CAMK4: variants seen among roughly 807,000 people sequenced by gnomAD.
CAMK4 encodes calcium/calmodulin dependent protein kinase IV, also known as calcium/calmodulin-dependent protein kinase type IV.
Under a neutral mutation model 44.9 loss-of-function variants are expected in CAMK4, and 22 were observed. That is an observed-to-expected ratio of 0.49 (90% CI 0.35 to 0.70). The LOEUF (loss-of-function observed/expected upper bound fraction) is 0.70, where lower values mean the gene tolerates loss of function less well. Among genes scored for constraint, CAMK4 ranks in the 30% least tolerant of loss-of-function variants. The pLI is 0.01. For synonymous variants in CAMK4, 218 were observed against 215.4 expected (o/e 1.01, Z -0.11); for missense variants, 498 against 586.8 (o/e 0.85, Z 1.56).
In CAMK4 at chr5:111,489,311, C is replaced by T. The variant is rs1465623396; in HGVS notation, c.*4845C>T. 6.6e-6 allele frequency: 1 copy of T among 152,140 alleles called. No homozygotes were observed. Among genetic ancestry groups the T allele is most frequent in the Non-Finnish European group, 1.5e-5 (1 of 68,020 alleles). 9.4% of individuals were successfully genotyped at this position (152,140 alleles called of 1,614,324 possible). A position where few individuals can be genotyped will look rare whatever the true frequency, so the allele number is the denominator to read the frequency against. On this transcript the variant is annotated 3_prime_UTR_variant, in exon 11 of 11. Coordinates refer to ENST00000282356, the MANE Select transcript of CAMK4 (RefSeq NM_001744.6). The stretch of plus-strand genomic sequence containing the variant: ...GCAAACCACCCACAGTAACCAAGTT[C>T]AGTATTTCCTCTTTCTATATTTTGA...
intron 4 of CAMK4, among the ~76,000 whole-genome samples, chr5:111,389,186 A>G (rs1409720642): frequency 6.6e-5 from 10 of 152,170 alleles, no homozygotes; most frequent in Admixed American, 6.6e-4. Context: ...CTGTGTCTGC[A>G]CATGGTGGAA....
intron 1 of CAMK4, among the ~76,000 whole-genome samples, chr5:111,317,682 A>T (rs1748482508): frequency 6.6e-6 from 1 of 151,946 alleles, no homozygotes; most frequent in South Asian, 2.1e-4. Context: ...AGGCCAAATG[A>T]TTTGTCTGTG....
chr5:111,374,180 C>A (rs1029945531), intron 2 of CAMK4, among the ~76,000 whole-genome samples: 3 of 152,134 alleles, frequency 2.0e-5, no homozygotes, highest in African/African-American at 4.8e-5. Flanking sequence ...TAACAGTCCT[C>A]TTCATAACTC....
chr5:111,295,731 T>C (rs1209357838), intron 1 of CAMK4, among the ~76,000 whole-genome samples: 1 of 152,236 alleles, frequency 6.6e-6, no homozygotes, highest in Non-Finnish European at 1.5e-5. Context: ...TTTCATATGC[T>C]GGGCTCTTCC....
rs538371870 is a variant in CAMK4 at position 111,379,019 on chromosome 5, C to T, written c.386+2077C>T. ...AGCTGACTTTTTTATGGATGTATTC[C>T]TTCTTTAGTTACATTAATAGAGCAG... On this transcript the variant is annotated intron_variant, in intron 4 of 10. Coordinates refer to ENST00000282356, the MANE Select transcript of CAMK4 (RefSeq NM_001744.6). Among the ~76,000 whole-genome samples, 3 of 152,014 alleles carry T rather than the reference C, an allele frequency of 2.0e-5. No individual in the cohort carries two copies. The East Asian group carries it at 5.8e-4, about 29-fold the overall frequency.
chr5:111,271,128 CTT>C (rs957824437), intron 1 of CAMK4, among the ~76,000 whole-genome samples: 1 of 152,156 alleles, frequency 6.6e-6, no homozygotes, highest in African/African-American at 2.4e-5. Context: ...TCCCTTGACA[CTT>C]GGGGATAATG....
intron 7 of CAMK4, among the ~76,000 whole-genome samples, chr5:111,457,677 A>C (rs1279888907): frequency 6.6e-6 from 1 of 152,258 alleles, no homozygotes; most frequent in Non-Finnish European, 1.5e-5. Context: ...ACATGAACAC[A>C]TATGAAAAAT....
intron 5 of CAMK4, among the ~76,000 whole-genome samples, chr5:111,398,578 G>A (rs1158075333): frequency 6.6e-6 from 1 of 152,132 alleles, no homozygotes; most frequent in East Asian, 1.9e-4. Flanking sequence ...ATTTTACTTG[G>A]AATATGATTT....
rs760336856 is a variant in CAMK4, at chr5:111,376,910, A to G, written c.354A>G (p.Leu118=). 1.2e-6 allele frequency: 2 copies of G among 1,607,510 alleles called. No individual in the cohort carries two copies. ...FETPTEISLV[L]ELVTGGELFD... is the part of the protein sequence containing the mutation. ...CCCCTACAGAAATCAGTCTGGTCCT[A>G]GAACTCGTCACAGGAGGAGAACTGT... Residue 118 remains leucine, a synonymous_variant, in exon 4 of 11, where the codon CTA becomes CTG. Transcript: ENST00000282356.
intron 1 of CAMK4, among the ~76,000 whole-genome samples, chr5:111,283,782 A>G (rs1317541481): frequency 6.6e-6 from 1 of 152,234 alleles, no homozygotes; most frequent in African/African-American, 2.4e-5. Flanking sequence ...GATGCTATCA[A>G]TTTAAAACAT....
intron 5 of CAMK4, among the ~76,000 whole-genome samples, chr5:111,432,365 T>C (rs1186287072): frequency 6.6e-6 from 1 of 151,812 alleles, no homozygotes. Context: ...GGAAGTGTAG[T>C]AGGGGGTTCG....
chr5:111,477,992 C>A (rs11740269), intron 8 of CAMK4, among the ~76,000 whole-genome samples: 3 of 151,828 alleles, frequency 2.0e-5, no homozygotes, highest in Non-Finnish European at 4.4e-5. Context: ...TCTCTGTCTG[C>A]CTGTCTGTCT....
intron 7 of CAMK4, among the ~76,000 whole-genome samples, chr5:111,472,807 C>T (rs879884186): frequency 1.3e-5 from 2 of 152,238 alleles, no homozygotes; most frequent in South Asian, 2.1e-4. Flanking sequence ...CTGCTGCAAC[C>T]GTCTAGACTA....
At chr5:111,424,602 G>A (rs143759748) in intron 5 of CAMK4, among the ~76,000 whole-genome samples, 1,615 of 151,390 alleles carry the variant, frequency 0.011, 27 homozygotes, top group African/African-American at 0.036. Context: ...CCACCACCAC[G>A]CCCGGCTAAT....
intron 1 of CAMK4, among the ~76,000 whole-genome samples, chr5:111,235,727 C>A (rs139162645): frequency 8.2e-4 from 125 of 152,344 alleles, no homozygotes; most frequent in African/African-American, 3.0e-3. Flanking sequence ...CAGGACTGAG[C>A]TAAGGGCTGT....
intron 1 of CAMK4, among the ~76,000 whole-genome samples, chr5:111,312,602 T>A (rs1401285285): frequency 6.6e-6 from 1 of 152,186 alleles, no homozygotes; most frequent in African/African-American, 2.4e-5. Context: ...TGGAATATTC[T>A]GAAGTTTCTA....
At chr5:111,246,344 CT>C (rs575395843) in intron 1 of CAMK4, among the ~76,000 whole-genome samples, 89 of 152,208 alleles carry the variant, frequency 5.8e-4, no homozygotes, top group African/African-American at 2.1e-3. Flanking sequence ...TCTATGTTCC[CT>C]TTTATCAGTT....
intron 1 of CAMK4, among the ~76,000 whole-genome samples, chr5:111,248,399 A>G (rs1389302829): frequency 1.3e-5 from 2 of 152,122 alleles, no homozygotes; most frequent in African/African-American, 4.8e-5. Context: ...AGCCAGTAAG[A>G]TCGAGCAGGT....
At chr5:111,432,153 C>T (rs1321715041) in intron 5 of CAMK4, among the ~76,000 whole-genome samples, 3 of 152,038 alleles carry the variant, frequency 2.0e-5, no homozygotes, top group Non-Finnish European at 4.4e-5. Context: ...TACATATACA[C>T]AATGGAGTAC....
Sources: allele counts gnomAD v4.1 joint callset (sites outside exome capture counted in the v4.1 genomes callset), GRCh38; gene constraint gnomAD v4.1.1; transcripts MANE v1.5; gene names NCBI Gene and HGNC (gene_info 2026-07-23, HGNC 2026-07-21).